The following UQCC2 variants were observed in gnomAD, a reference collection of about 807,000 sequenced individuals.
UQCC2 encodes breast cancer-associated protein SGA-81M.
Under a neutral mutation model 19.9 loss-of-function variants are expected in UQCC2, and 21 were observed. The ratio of observed to expected loss-of-function variants is 1.05; its 90% CI spans 0.75 to 1.52. UQCC2 has a LOEUF of 1.52. UQCC2 is among the 40% of genes most tolerant of loss of function. The pLI is 0.00. For missense variants in UQCC2, 135 were observed against 157.5 expected (o/e 0.86, Z 0.76); for synonymous variants, 57 against 60.9 (o/e 0.94, Z 0.30).
At chr6:33,698,701 G>A (rs1582178367) in intron 3 of UQCC2, 1 of 152,240 alleles carries the variant, frequency 6.6e-6, no homozygotes, top group South Asian at 2.1e-4. Context: ...CTGTTTCAAA[G>A]CATCCTGGCC....
At chr6:33,709,963 C>A (rs11756974) in intron 1 of UQCC2, among the ~76,000 whole-genome samples, 1 of 152,222 alleles carries the variant, frequency 6.6e-6, no homozygotes, top group Non-Finnish European at 1.5e-5. Flanking sequence ...CAGGTTTAAC[C>A]TGCTTAACAC....
In UQCC2 at chr6:33,697,598, G is replaced by T; in HGVS notation, c.*55C>A. 2.2e-6 allele frequency: 3 copies of T among 1,369,714 alleles called. No homozygotes were observed. Among genetic ancestry groups the T allele is most frequent in the South Asian group, 1.3e-5 (1 of 77,098 alleles). 84.8% of individuals were successfully genotyped at this position (1,369,714 alleles called of 1,614,324 possible). ...GGGAAACTGGGGCAGTTTTATTGAC[G>T]ATGGCAATGTACAAGACTCCACACC... On this transcript the variant is annotated 3_prime_UTR_variant, in exon 4 of 4. Coordinates refer to ENST00000607484, the MANE Select transcript of UQCC2 (RefSeq NM_032340.4).
At chr6:33,704,802 T>C (rs1765680295) in intron 1 of UQCC2, among the ~76,000 whole-genome samples, 1 of 152,134 alleles carries the variant, frequency 6.6e-6, no homozygotes, top group Non-Finnish European at 1.5e-5. Flanking sequence ...CCAACTTCTC[T>C]AGCAGTGAGA....
At chr6:33,702,854 C>G (rs1451042644) in intron 1 of UQCC2, among the ~76,000 whole-genome samples, 1 of 152,180 alleles carries the variant, frequency 6.6e-6, no homozygotes, top group Non-Finnish European at 1.5e-5. Context: ...ATAGGCAGCT[C>G]CACTGCTGCC....
Position 33,697,762 on chromosome 6 carries a change from G to A in UQCC2, c.284-12C>T. On this transcript the variant is annotated splice_polypyrimidine_tract_variant and intron_variant, in intron 3 of 3. Transcript: ENST00000607484. ...CTCTTCCAAGGTGTCTGCAAAAGGG[G>A]AAGACAAAAAGAGAGAGGGACTGAA... 1 of 1,605,198 alleles carries A rather than the reference G, an allele frequency of 6.2e-7. No individual in the cohort carries two copies.
At chr6:33,701,602 T>G (rs1331883181) in intron 1 of UQCC2, among the ~76,000 whole-genome samples, 182 bp from the exon 2 acceptor site, 1 of 152,080 alleles carries the variant, frequency 6.6e-6, no homozygotes, top group East Asian at 1.9e-4. Context: ...GAAACTACTT[T>G]TTGGAGGCAT....
chr6:33,702,084 G>A (rs1412875083), intron 1 of UQCC2, among the ~76,000 whole-genome samples: 1 of 152,096 alleles, frequency 6.6e-6, no homozygotes, highest in African/African-American at 2.4e-5. Flanking sequence ...TTGGCTCACT[G>A]CAACCTCCGC....
intron 1 of UQCC2, among the ~76,000 whole-genome samples, chr6:33,702,742 T>C (rs1765655654): frequency 6.6e-6 from 1 of 152,228 alleles, no homozygotes; most frequent in African/African-American, 2.4e-5. Context: ...AACTTTCTCT[T>C]TTATATTTTT....
In UQCC2 at chr6:33,697,741, T is replaced by A; in HGVS notation, c.293A>T (p.Glu98Val). 1.2e-6 allele frequency: 2 copies of A among 1,613,608 alleles called. No homozygotes were observed. The highest frequency in any genetic ancestry group is 1.7e-6 in the Non-Finnish European group (2 of 1,179,882). The stretch of plus-strand genomic sequence containing the variant: ...GCCTTTATCTATTTCCTTAAGCTCT[T>A]CCAAGGTGTCTGCAAAAGGGGAAGA... The part of the protein sequence containing the change: ...YKLILSTDTL[E>V]ELKEIDKGMW... Residue 98 changes from glutamate (E) to valine (V), a missense_variant, in exon 4 of 4, where the codon GAA becomes GTA. Glu to Val is a moderately radical substitution (Grantham distance 121). Coordinates refer to ENST00000607484, the MANE Select transcript of UQCC2 (RefSeq NM_032340.4).
In UQCC2 at chr6:33,697,759, G is replaced by T; in HGVS notation, c.284-9C>A. ...AAGCTCTTCCAAGGTGTCTGCAAAAGGGGAAGACAAAAAGAGAGAGGGACT... is the reference window on the plus strand; with the variant it reads ...AAGCTCTTCCAAGGTGTCTGCAAAATGGGAAGACAAAAAGAGAGAGGGACT... On this transcript the variant is annotated splice_polypyrimidine_tract_variant and intron_variant, in intron 3 of 3. Coordinates refer to ENST00000607484, the MANE Select transcript of UQCC2 (RefSeq NM_032340.4). The T allele has an allele frequency of 3.7e-6, 6 of 1,608,074 alleles. No individual in the cohort carries two copies. The highest frequency in any genetic ancestry group is 5.1e-6 in the Non-Finnish European group (6 of 1,176,820).
At chr6:33,698,765 A>G (rs1000006383) in intron 3 of UQCC2, 7 of 152,240 alleles carry the variant, frequency 4.6e-5, no homozygotes, top group African/African-American at 1.7e-4. Context: ...TGTGACAACT[A>G]AAAATGTCTC....
chr6:33,701,199 C>T (rs1266263896), intron 2 of UQCC2, 147 bp downstream of exon 2: 2 of 781,202 alleles, frequency 2.6e-6, no homozygotes, highest in Non-Finnish European at 3.9e-6. Flanking sequence ...CTACCAGGCA[C>T]CTCTGTTGGC....
intron 1 of UQCC2, 149 bp downstream of exon 1, chr6:33,711,400 G>T: frequency 8.5e-7 from 1 of 1,177,706 alleles, no homozygotes; most frequent in South Asian, 1.6e-5. Flanking sequence ...GCTATCAGTA[G>T]CTCCCTGGGG....
chr6:33,697,806 T>C (rs1444726529), intron 3 of UQCC2, 56 bp from the exon 4 acceptor site: 19 of 1,464,920 alleles, frequency 1.3e-5, no homozygotes, highest in Admixed American at 3.6e-5. Context: ...CTTGATGACA[T>C]AGATTGGACC....
intron 1 of UQCC2, among the ~76,000 whole-genome samples, chr6:33,707,983 C>T (rs1231540368): frequency 6.6e-6 from 1 of 152,248 alleles, no homozygotes; most frequent in Non-Finnish European, 1.5e-5. Context: ...CAAGACTCCC[C>T]AGAGGGCAAT....
In UQCC2 at chr6:33,705,678, G is replaced by A. The variant is rs752185271; in HGVS notation, c.139-4258C>T. On this transcript the variant is annotated intron_variant, in intron 1 of 3. Transcript: ENST00000607484. ...AAGGATGTCAGTGGAGACATCTGTC[G>A]AATTCCAGAAGCCTCACCACGTTCC... 2.6e-5 allele frequency among the ~76,000 whole-genome samples: 4 copies of A among 152,272 alleles called. No individual in the cohort carries two copies. The East Asian group carries it at 7.7e-4, about 29-fold the overall frequency.
intron 1 of UQCC2, among the ~76,000 whole-genome samples, chr6:33,709,692 C>G (rs927434166): frequency 4.6e-5 from 7 of 152,136 alleles, no homozygotes; most frequent in African/African-American, 1.7e-4. Flanking sequence ...ATCAGCAGTA[C>G]AGTCACAATG....
intron 1 of UQCC2, among the ~76,000 whole-genome samples, chr6:33,709,500 C>T (rs1057409981): frequency 2.0e-5 from 3 of 152,212 alleles, no homozygotes; most frequent in Middle Eastern, 3.4e-3. Flanking sequence ...TTTCAGGAAG[C>T]TCATACTAAA....
rs561285508 is a variant in UQCC2, at chr6:33,700,702, C to G, written c.214-189G>C. On this transcript the variant is annotated intron_variant, in intron 2 of 3. Coordinates refer to ENST00000607484, the MANE Select transcript of UQCC2 (RefSeq NM_032340.4). ...CAGTACAGTCTCCAGGAGGCAGCTC[C>G]AACTATAATGTACCCGTGAGTCCTC... 3.9e-5 allele frequency among the ~76,000 whole-genome samples: 6 copies of G among 152,294 alleles called. No homozygotes were observed. The South Asian group carries it at 1.2e-3, about 32-fold the overall frequency.
Sources: allele counts gnomAD v4.1 joint callset (sites outside exome capture counted in the v4.1 genomes callset), GRCh38; gene constraint gnomAD v4.1.1; transcripts MANE v1.5; gene names NCBI Gene and HGNC (gene_info 2026-07-23, HGNC 2026-07-21).